The following PTPRT variants were observed in gnomAD, a reference collection of about 807,000 sequenced individuals.
PTPRT encodes receptor-type tyrosine-protein phosphatase T.
A neutral mutation model predicts 176.8 loss-of-function variants in PTPRT; 56 were observed. That is an observed-to-expected ratio of 0.32 (90% CI 0.26 to 0.40). The LOEUF (loss-of-function observed/expected upper bound fraction) is 0.40. PTPRT is among the 10% of genes least tolerant of loss of function. The probability of loss-of-function intolerance (pLI) is 1.00; values close to 1 mark genes in which losing one functional copy is unlikely to be tolerated. For missense variants in PTPRT, 1,540 were observed against 1,908.2 expected (o/e 0.81, Z 3.60); for synonymous variants, 783 against 739.0 (o/e 1.06, Z -0.96).
At chr20:42,621,491 A>G (rs964709113) in intron 7 of PTPRT, among the ~76,000 whole-genome samples, 1 of 152,162 alleles carries the variant, frequency 6.6e-6, no homozygotes, top group Admixed American at 6.5e-5. Flanking sequence ...TGTGGATTGT[A>G]AATTCTCCTG....
At chr20:42,258,733 T>C (rs1364134266) in intron 13 of PTPRT, among the ~76,000 whole-genome samples, 1 of 152,196 alleles carries the variant, frequency 6.6e-6, no homozygotes, top group Non-Finnish European at 1.5e-5. Context: ...CTAGGATGTT[T>C]CTCAAGTAAT....
intron 7 of PTPRT, among the ~76,000 whole-genome samples, chr20:42,526,305 A>G (rs56132580): frequency 0.081 from 12,289 of 151,840 alleles, 908 homozygotes; most frequent in African/African-American, 0.2. Context: ...CATGTTTATC[A>G]TTTTCTCTCT....
chr20:42,267,913 T>C (rs148346915), intron 13 of PTPRT, among the ~76,000 whole-genome samples: 5 of 152,310 alleles, frequency 3.3e-5, no homozygotes, highest in Admixed American at 1.3e-4. Context: ...CATATTTCAA[T>C]TTCTCCAAAT....
At chr20:42,857,693 T>G (rs764804711) in intron 2 of PTPRT, among the ~76,000 whole-genome samples, 39 of 152,180 alleles carry the variant, frequency 2.6e-4, no homozygotes, top group Non-Finnish European at 5.0e-4. Flanking sequence ...CTCAGCTGTC[T>G]TCCTACTCAC....
At chr20:42,535,755 G>A (rs2072465106) in intron 7 of PTPRT, among the ~76,000 whole-genome samples, 1 of 152,132 alleles carries the variant, frequency 6.6e-6, no homozygotes. Flanking sequence ...TGTATAAAGA[G>A]GTTGAGTGCA....
At chr20:42,050,501 T>G in the PTPRT span, among the ~76,000 whole-genome samples, 1 of 152,182 alleles carries the variant, frequency 6.6e-6, no homozygotes, top group Non-Finnish European at 1.5e-5. Flanking sequence ...CAGTGAGTAC[T>G]GAGCCCCTGC....
At chr20:42,890,960 G>C (rs143121788) in intron 1 of PTPRT, among the ~76,000 whole-genome samples, 19 of 152,188 alleles carry the variant, frequency 1.2e-4, no homozygotes, top group African/African-American at 3.4e-4. Flanking sequence ...TTCCCCTTTC[G>C]CTTGGCTCTC....
At chr20:42,893,864 G>T (rs1473077960) in intron 1 of PTPRT, among the ~76,000 whole-genome samples, 1 of 151,792 alleles carries the variant, frequency 6.6e-6, no homozygotes, top group Admixed American at 6.6e-5. Flanking sequence ...ACTGTTGTGG[G>T]GTGGGGGGAG....
At chr20:42,772,398 C>T (rs780626313) in intron 4 of PTPRT, among the ~76,000 whole-genome samples, 6 of 152,072 alleles carry the variant, frequency 3.9e-5, no homozygotes, top group Admixed American at 2.0e-4. Flanking sequence ...TGAGGGGGAG[C>T]GTTGATTCTA....
At chr20:42,211,943 T>C (rs909798791) in intron 15 of PTPRT, among the ~76,000 whole-genome samples, 1 of 150,182 alleles carries the variant, frequency 6.7e-6, no homozygotes, top group Admixed American at 6.6e-5. Context: ...GTGGCCCATA[T>C]ACACCATGGA....
chr20:42,909,956 G>C (rs907348015), intron 1 of PTPRT, among the ~76,000 whole-genome samples: 3 of 152,112 alleles, frequency 2.0e-5, no homozygotes, highest in East Asian at 1.9e-4. Context: ...TCAGAGTCTC[G>C]TTAATTTTCT....
chr20:42,897,232 T>C (rs2079318043), intron 1 of PTPRT, among the ~76,000 whole-genome samples: 1 of 152,232 alleles, frequency 6.6e-6, no homozygotes, highest in African/African-American at 2.4e-5. Context: ...AGTGAATTTA[T>C]TATAAATAAG....
intron 18 of PTPRT, among the ~76,000 whole-genome samples, chr20:42,135,362 T>G (rs1394368069): frequency 6.6e-6 from 1 of 152,236 alleles, no homozygotes; most frequent in African/African-American, 2.4e-5. Flanking sequence ...TTGTTTTTAT[T>G]CTAGACCTGG....
chr20:42,913,831 G>C (rs955159847), intron 1 of PTPRT, among the ~76,000 whole-genome samples: 1 of 152,150 alleles, frequency 6.6e-6, no homozygotes, highest in African/African-American at 2.4e-5. Flanking sequence ...CCAAGCATTG[G>C]GGGTGTTGGG....
chr20:43,073,660 A>G (rs2011213491), intron 1 of PTPRT, among the ~76,000 whole-genome samples: 1 of 151,678 alleles, frequency 6.6e-6, no homozygotes, highest in Non-Finnish European at 1.5e-5. Context: ...ATAGATACAT[A>G]TTACATATTT....
intron 1 of PTPRT, among the ~76,000 whole-genome samples, chr20:43,045,634 T>C (rs189327951): frequency 3.3e-5 from 5 of 150,652 alleles, no homozygotes; most frequent in Non-Finnish European, 7.4e-5. Flanking sequence ...TTTCTATTTT[T>C]TTTTTTTTTG....
intron 7 of PTPRT, among the ~76,000 whole-genome samples, chr20:42,544,633 G>T (rs988683439): frequency 2.0e-5 from 3 of 152,094 alleles, no homozygotes; most frequent in African/African-American, 7.2e-5. Flanking sequence ...CTCAGCACTT[G>T]GGAGACTTTC....
At chr20:42,298,857 G>GT (rs1453330661) in intron 12 of PTPRT, among the ~76,000 whole-genome samples, 2 of 152,024 alleles carry the variant, frequency 1.3e-5, no homozygotes, top group African/African-American at 4.8e-5. Flanking sequence ...GGAGGGGGAG[G>GT]TTGCAGTTGA....
At chr20:42,881,645 A>G (rs1441235993) in intron 2 of PTPRT, among the ~76,000 whole-genome samples, 3 of 150,916 alleles carry the variant, frequency 2.0e-5, no homozygotes, top group Non-Finnish European at 4.4e-5. Flanking sequence ...GAATCACTTG[A>G]ACCTGGGAGG....
Sources: allele counts gnomAD v4.1 joint callset (sites outside exome capture counted in the v4.1 genomes callset), GRCh38; gene constraint gnomAD v4.1.1; transcripts MANE v1.5; gene names NCBI Gene and HGNC (gene_info 2026-07-23, HGNC 2026-07-21).